The following BLM variants were observed in gnomAD, a reference collection of about 807,000 sequenced individuals.
BLM encodes the protein BLM RecQ like helicase.
In BLM, 95 loss-of-function variants were observed where a neutral mutation model predicts 135.3. The ratio of observed to expected loss-of-function variants is 0.70; its 90% confidence interval spans 0.59 to 0.83. BLM has a LOEUF of 0.83. BLM is among the 40% of genes least tolerant of loss of function. BLM has a pLI of 0.00. For synonymous variants in BLM, 520 were observed against 589.2 expected, an observed-to-expected ratio of 0.88 and a Z score of 1.70; for missense variants, 1,518 against 1,663.9, an observed-to-expected ratio of 0.91 and a Z score of 1.53.
intron 7 of BLM, chr15:90,762,533 C>T (rs145458494): frequency 5.3e-5 from 10 of 188,152 alleles, no homozygotes; most frequent in Admixed American, 1.6e-4. Flanking sequence ...TTGCTGCACA[C>T]GGGTCATGTT....
chr15:90,770,177 CT>C (rs1555420976), intron 12 of BLM, among the ~76,000 whole-genome samples: 2,471 of 128,060 alleles, frequency 0.019, 33 homozygotes, highest in African/African-American at 0.056. Context: ...TCCCCCCCCC[CT>C]TTTTTTTTTT....
intron 15 of BLM, among the ~76,000 whole-genome samples, chr15:90,791,215 A>C (rs1366055842): frequency 2.0e-5 from 3 of 152,186 alleles, no homozygotes; most frequent in Admixed American, 2.0e-4. Flanking sequence ...GAAAATAATG[A>C]GCTGTCATAT....
chr15:90,783,637 C>T lies in BLM; in HGVS notation c.2662+709C>T, dbSNP rs28385059. Among the ~76,000 whole-genome samples, 696 of 152,248 alleles carry T rather than the reference C, an allele frequency of 4.6e-3. 10 individuals are homozygous for T. The highest frequency in any genetic ancestry group is 0.016 in the African/African-American group (683 of 41,534). The stretch of plus-strand genomic sequence containing the variant: ...TTATATGGCCAGGCACTGTGGTTCA[C>T]GCCTGTAATCTCAGCATTTTGGGAG... On this transcript the variant is annotated intron_variant, in intron 13 of 21. Transcript: ENST00000355112.
intron 12 of BLM, among the ~76,000 whole-genome samples, chr15:90,773,620 A>C (rs1896389891): frequency 6.7e-6 from 1 of 149,462 alleles, no homozygotes; most frequent in South Asian, 2.1e-4. Flanking sequence ...ACCCATTAGC[A>C]GTCAATTCCT....
chr15:90,780,081 C>CTTTTTT (rs1164879678), intron 12 of BLM, among the ~76,000 whole-genome samples: 1 of 135,434 alleles, frequency 7.4e-6, no homozygotes, highest in Non-Finnish European at 1.6e-5. Flanking sequence ...AGCAGGATGT[C>CTTTTTT]TTTTTTTTTT....
In BLM at chr15:90,760,538, G is replaced by A. The variant is rs1567040737; in HGVS notation, c.1221-56G>A. 1.3e-5 allele frequency: 20 copies of A among 1,511,226 alleles called. 1 individual carries two copies. In the East Asian group the frequency reaches 4.3e-4, roughly 32 times the overall value. 93.6% of individuals were successfully genotyped at this position (1,511,226 alleles called of 1,614,324 possible). A position where few individuals can be genotyped will look rare whatever the true frequency, so the allele number is the denominator to read the frequency against. On this transcript the variant is annotated intron_variant, in intron 6 of 21. Coordinates refer to ENST00000355112, the MANE Select transcript of BLM (RefSeq NM_000057.4). ...ATGAAAACTACAGATTTGCTTTTGT[G>A]GCCTACCAGAGTAAACTACTTATAT...
At position 90,780,872 on chromosome 15, in the gene BLM, A is replaced by T. The variant is rs1896600721; in HGVS notation, c.2556-1950A>T. On this transcript the variant is annotated intron_variant, in intron 12 of 21. Transcript: ENST00000355112. Reference sequence around the variant, plus strand: ...TATAAGTAATCTAGAGATGGTTTAAAGTGTGCAGGAGGATGTGCATAGGTT... The same window carrying T: ...TATAAGTAATCTAGAGATGGTTTAATGTGTGCAGGAGGATGTGCATAGGTT... Among the ~76,000 whole-genome samples, 4 of 152,224 alleles carry T rather than the reference A, an allele frequency of 2.6e-5. No homozygotes were observed. In the South Asian group the frequency reaches 8.3e-4, roughly 32 times the overall value.
intron 14 of BLM, among the ~76,000 whole-genome samples, chr15:90,787,273 T>C (rs1383976085): frequency 6.6e-6 from 1 of 151,176 alleles, no homozygotes; most frequent in African/African-American, 2.4e-5. Flanking sequence ...CAGGAGGGTC[T>C]CGATCTCCTG....
chr15:90,782,820 A>C lies in BLM; in HGVS notation c.2556-2A>C. On this transcript the variant is annotated splice_acceptor_variant, in intron 12 of 21. Coordinates refer to ENST00000355112, the MANE Select transcript of BLM (RefSeq NM_000057.4). LOFTEE classifies it high-confidence loss of function. ...TAAATTTTATGTTTGGGACTTTTTT[A>C]GGTTTAGCATGAGCTTTAACAGACA... The C allele has an allele frequency of 6.2e-7, 1 of 1,602,012 alleles. No homozygotes were observed. Among genetic ancestry groups the C allele is most frequent in the Non-Finnish European group, 8.6e-7 (1 of 1,169,066 alleles).
chr15:90,752,637 T>G (rs149079141), intron 4 of BLM, among the ~76,000 whole-genome samples: 1 of 152,236 alleles, frequency 6.6e-6, no homozygotes, highest in Non-Finnish European at 1.5e-5. Flanking sequence ...ATTGTATTTG[T>G]TATTCACTCA....
chr15:90,724,306 T>A (rs1894850148), intron 1 of BLM, among the ~76,000 whole-genome samples: 1 of 152,072 alleles, frequency 6.6e-6, no homozygotes. Context: ...AGCCACTTCA[T>A]CTAGTCAATT....
Position 90,731,202 on chromosome 15 carries a change from G to A in BLM, c.-5+13762G>A, listed in dbSNP as rs116942433. Among the ~76,000 whole-genome samples the A allele has an allele frequency of 5.6e-3, 847 of 152,260 alleles. 10 individuals are homozygous for A. The highest frequency in any genetic ancestry group is 0.041 in the East Asian group (215 of 5,182). ...AATCCTCCTGCCTTGGCCTCCAAAA[G>A]CGCTGGGATTATAGGTGTGAGTCAT... is the stretch of plus-strand genomic sequence containing the variant. On this transcript the variant is annotated intron_variant, in intron 1 of 21. Transcript: ENST00000355112.
chr15:90,811,278 C>T lies in BLM; in HGVS notation c.3948C>T (p.Asp1316=), dbSNP rs375896520. 2.6e-5 allele frequency: 42 copies of T among 1,614,082 alleles called. No individual in the cohort carries two copies. Among genetic ancestry groups the T allele is most frequent in the African/African-American group, 5.3e-5 (4 of 75,006 alleles). Reference sequence around the variant, plus strand: ...GAAGAAGTGCCGCTGAGGAGCTCGACGAGGAAATACCCGTATCTTCCCACT... The same window carrying T: ...GAAGAAGTGCCGCTGAGGAGCTCGATGAGGAAATACCCGTATCTTCCCACT... ...GPGRSAAEEL[D]EEIPVSSHYF... is the part of the protein sequence containing the mutation. Residue 1316 remains aspartate, a synonymous_variant, in exon 21 of 22, where the codon GAC becomes GAT. Transcript: ENST00000355112.
chr15:90,719,548 T>G (rs1894711824), intron 1 of BLM, among the ~76,000 whole-genome samples: 2 of 152,074 alleles, frequency 1.3e-5, no homozygotes, highest in Non-Finnish European at 1.5e-5. Flanking sequence ...TTAGTCAAGA[T>G]TGCACCACTG....
intron 19 of BLM, 63 bp from the exon 20 acceptor site, chr15:90,809,074 C>A: frequency 1.2e-6 from 2 of 1,604,306 alleles, no homozygotes; most frequent in South Asian, 2.2e-5. Context: ...CGTGAATGAG[C>A]CTGAATTCAG....
At chr15:90,748,163 C>CCATG (rs1164350522) in intron 2 of BLM, among the ~76,000 whole-genome samples, 2 of 150,406 alleles carry the variant, frequency 1.3e-5, no homozygotes, top group East Asian at 2.0e-4. Flanking sequence ...GGCTGGAGTG[C>CCATG]CATGGCACAA....
rs959343054 is a variant in BLM at position 90,761,240 on chromosome 15, A to G, written c.1867A>G (p.Ile623Val). 6.5e-7 allele frequency: 1 copy of G among 1,534,476 alleles called. No individual in the cohort carries two copies. The highest frequency in any genetic ancestry group is 8.7e-7 in the Non-Finnish European group (1 of 1,143,660). Residue 623 changes from isoleucine to valine, a missense_variant, in exon 7 of 22, where the codon ATT (isoleucine) becomes GTT (valine). Around this residue, in one of 5 missense-constraint regions of BLM, gnomAD observed 724 missense variants for 756.9 expected, o/e 0.96. Coordinates refer to ENST00000355112, the MANE Select transcript of BLM (RefSeq NM_000057.4). ...TCAAAATATAAACTTCTCAGAGTCAATTCAGAATTATACTGGTAAGTTTAA... is the reference window on the plus strand; with the variant it reads ...TCAAAATATAAACTTCTCAGAGTCAGTTCAGAATTATACTGGTAAGTTTAA... ...TAQNINFSES[I>V]QNYTDKSAQN... is the part of the protein sequence containing the mutation.
Position 90,736,653 on chromosome 15 carries a change from C to T in BLM, c.-4-10736C>T, listed in dbSNP as rs1483817558. On this transcript the variant is annotated intron_variant, in intron 1 of 21. Coordinates refer to ENST00000355112, the MANE Select transcript of BLM (RefSeq NM_000057.4). ...AATATCAGGGAATACCTTAAATGTC[C>T]ATACAGGAAATTTGTTGGTAAATAT... is the stretch of plus-strand genomic sequence containing the variant. Among the ~76,000 whole-genome samples, 3 of 151,800 alleles carry T rather than the reference C, an allele frequency of 2.0e-5. No individual in the cohort carries two copies. The East Asian group carries it at 5.8e-4, about 29-fold the overall frequency.
intron 1 of BLM, among the ~76,000 whole-genome samples, chr15:90,743,035 G>T (rs1895409572): frequency 7.2e-6 from 1 of 138,076 alleles, no homozygotes; most frequent in Non-Finnish European, 1.5e-5. Flanking sequence ...GGGTCTCACT[G>T]TCACCCCAGC....
Sources: allele counts gnomAD v4.1 joint callset (sites outside exome capture counted in the v4.1 genomes callset), GRCh38; gene constraint gnomAD v4.1.1; regional missense constraint gnomAD v4.1.1; transcripts MANE v1.5; gene names NCBI Gene and HGNC (gene_info 2026-07-23, HGNC 2026-07-21).